Variants in SCARB2 observed in about 807,000 individuals in gnomAD.
SCARB2 encodes the protein scavenger receptor class B member 2.
In SCARB2, 29 loss-of-function variants were observed where a neutral mutation model predicts 58.6. The observed-to-expected ratio is 0.49, with a 90% CI of 0.37 to 0.67. The LOEUF (loss-of-function observed/expected upper bound fraction) is 0.67, where lower values mean the gene tolerates loss of function less well. Ranked by LOEUF, SCARB2 falls within the 30% of genes least tolerant of loss-of-function variation. The pLI, the probability that SCARB2 is intolerant of heterozygous loss-of-function variation, is 0.00. For missense variants in SCARB2, 488 were observed against 578.5 expected (o/e 0.84, Z 1.60); for synonymous variants, 195 against 210.1 (o/e 0.93, Z 0.62).
chr4:76,188,983 G>T (rs892691447), intron 2 of SCARB2, among the ~76,000 whole-genome samples: 2 of 152,120 alleles, frequency 1.3e-5, no homozygotes, highest in Non-Finnish European at 1.5e-5. Flanking sequence ...CTATGGTTCC[G>T]GCTATTAGGT....
intron 1 of SCARB2, among the ~76,000 whole-genome samples, chr4:76,202,563 T>C (rs148727974): frequency 7.3e-4 from 111 of 152,262 alleles, no homozygotes; most frequent in African/African-American, 2.4e-3. Flanking sequence ...GCCCAGCCTG[T>C]TGTTACTTTA....
intron 1 of SCARB2, among the ~76,000 whole-genome samples, chr4:76,211,491 CT>C (rs1417758997): frequency 6.6e-6 from 1 of 152,240 alleles, no homozygotes; most frequent in African/African-American, 2.4e-5. Context: ...CTATTAAGCA[CT>C]AACTATATCC....
At position 76,207,395 on chromosome 4, in the gene SCARB2, G is replaced by GGCCAA. The variant is rs1253509235; in HGVS notation, c.117+6031_117+6032insTTGGC. Among the ~76,000 whole-genome samples the GGCCAA allele has an allele frequency of 7.9e-5, 12 of 152,224 alleles. 1 individual carries two copies. Among genetic ancestry groups the GGCCAA allele is most frequent in the African/African-American group, 2.9e-4 (12 of 41,538 alleles). On this transcript the variant is annotated intron_variant, in intron 1 of 11. Coordinates refer to ENST00000264896, the MANE Select transcript of SCARB2 (RefSeq NM_005506.4). ...TATGAGGGGCCCAGGAGTTTAAATT[G>GGCCAA]GATTATAAAATCTGCAAGGGTAGAG...
intron 7 of SCARB2, among the ~76,000 whole-genome samples, chr4:76,172,381 G>A (rs1732151242): frequency 6.6e-6 from 1 of 151,770 alleles, no homozygotes; most frequent in East Asian, 1.9e-4. Flanking sequence ...TCAGCCTCCT[G>A]GGTATCTGGA....
Position 76,163,304 on chromosome 4 carries a change from T to C in SCARB2, c.1319A>G (p.Tyr440Cys). 6.2e-7 allele frequency: 1 copy of C among 1,614,188 alleles called. No homozygotes were observed. Among genetic ancestry groups the C allele is most frequent in the Non-Finnish European group, 8.5e-7 (1 of 1,180,026 alleles). The part of the protein sequence containing the change: ...NTTLIITNIP[Y>C]IIMALGVFFG... ...GAACACACCCAGCGCCATGATGATG[T>C]AGGGTATGTTGGTGATGATCAAAGT... is the stretch of plus-strand genomic sequence containing the variant. The change falls in exon 11 of 12, where the codon TAC (tyrosine) becomes TGC (cysteine). Residue 440 changes from tyrosine (Y) to cysteine (C), a missense_variant. Tyr to Cys is a radical substitution (Grantham distance 194). Transcript: ENST00000264896.
At chr4:76,171,989 CGT>C (rs776803081) in intron 7 of SCARB2, among the ~76,000 whole-genome samples, 22 of 150,158 alleles carry the variant, frequency 1.5e-4, no homozygotes, top group Non-Finnish European at 2.4e-4. Context: ...CACTTGCGCA[CGT>C]GTGTGTGTAT....
At chr4:76,177,051 C>A (rs1338679199) in intron 4 of SCARB2, 1 of 152,694 alleles carries the variant, frequency 6.5e-6, no homozygotes, top group African/African-American at 2.4e-5. Flanking sequence ...AAAATTTAAT[C>A]TTCATCTAAC....
intron 1 of SCARB2, among the ~76,000 whole-genome samples, chr4:76,229,414 C>A (rs114017776): frequency 6.6e-6 from 1 of 152,122 alleles, no homozygotes; most frequent in Non-Finnish European, 1.5e-5. Context: ...TGTTATAGAA[C>A]CTTGTTTTGT....
At chr4:76,179,758 T>A (rs1291697594) in intron 3 of SCARB2, 53 bp from the exon 4 acceptor site, 4 of 1,320,542 alleles carry the variant, frequency 3.0e-6, no homozygotes, top group Non-Finnish European at 3.3e-6. Context: ...AGCACCTCCA[T>A]CCACTCTCTC....
chr4:76,214,387 A>C, upstream of SCARB2: 2 of 438,248 alleles, frequency 4.6e-6, no homozygotes, highest in South Asian at 3.2e-5. Flanking sequence ...AAGATGTGCA[A>C]AAAAGGGAGG....
In SCARB2 at chr4:76,222,918, CA is replaced by C. The variant is rs1284021590; in HGVS notation, c.-358+11384del. 9.2e-5 allele frequency among the ~76,000 whole-genome samples: 14 copies of C among 152,208 alleles called. No homozygotes were observed. The South Asian group carries it at 2.3e-3, about 25-fold the overall frequency. On this transcript the variant is annotated intron_variant, in intron 1 of 11. Coordinates refer to the SCARB2 transcript ENST00000638295. Reference sequence around the variant, plus strand: ...TCCAAGCTGAAGCTCAGAAGAAAGGCAGGGGGGGAAGAGGCCCAGGTGAAGC... The same window carrying C: ...TCCAAGCTGAAGCTCAGAAGAAAGGCGGGGGGGAAGAGGCCCAGGTGAAGC...
At position 76,213,466 on chromosome 4, in the gene SCARB2, G is replaced by T. The variant is rs756157659; in HGVS notation, c.78C>A (p.Ala26=). Residue 26 remains alanine (A), a synonymous_variant, in exon 1 of 12, where the codon GCC becomes GCA. Coordinates refer to ENST00000264896, the MANE Select transcript of SCARB2 (RefSeq NM_005506.4). ...GGTCTACAGCCTTCTGGAAGACCCG[G>T]GCCACCAGCAGCGTGACGCTGGTCA... ...LLVTSVTLLV[A]RVFQKAVDQS... The T allele has an allele frequency of 8.1e-6, 13 of 1,610,698 alleles. No individual in the cohort carries two copies. The South Asian group carries it at 1.4e-4, about 18-fold the overall frequency.
chr4:76,192,359 G>A (rs1358283404), intron 2 of SCARB2: 1 of 152,238 alleles, frequency 6.6e-6, no homozygotes, highest in African/African-American at 2.4e-5. Context: ...TATTGGGACT[G>A]GAGCAAAGTT....
intron 1 of SCARB2, among the ~76,000 whole-genome samples, chr4:76,205,349 A>AAAAACAAAAAT (rs1553950421): frequency 5.3e-5 from 8 of 151,576 alleles, no homozygotes; most frequent in East Asian, 1.9e-4. Context: ...AAACAAAAAC[A>AAAAACAAAAAT]AAAATAAAAT....
In SCARB2 at chr4:76,179,550, G is replaced by T; in HGVS notation, c.579C>A (p.Pro193=). The T allele has an allele frequency of 6.2e-7, 1 of 1,614,094 alleles. No individual in the cohort carries two copies. Among genetic ancestry groups the T allele is most frequent in the Non-Finnish European group, 8.5e-7 (1 of 1,179,972 alleles). The part of the protein sequence containing the change: ...EILSLIHVFR[P]DISPYFGLFY... ...ATAGGCCAAAATAGGGAGAGATATCGGGCCTGAAAACATGGATAAGGGACA... is the reference window on the plus strand; with the variant it reads ...ATAGGCCAAAATAGGGAGAGATATCTGGCCTGAAAACATGGATAAGGGACA... The change falls in exon 4 of 12, where the codon CCC becomes CCA. Residue 193 remains proline (P), a synonymous_variant. Coordinates refer to ENST00000264896, the MANE Select transcript of SCARB2 (RefSeq NM_005506.4).
intron 1 of SCARB2, among the ~76,000 whole-genome samples, chr4:76,211,895 T>C (rs79146874): frequency 0.078 from 11,850 of 152,236 alleles, 759 homozygotes; most frequent in East Asian, 0.28. Context: ...CTATTACTTA[T>C]CAGAACAGAG....
At chr4:76,176,133 T>A (rs1732247175) in intron 5 of SCARB2, 1 of 624,236 alleles carries the variant, frequency 1.6e-6, no homozygotes. Flanking sequence ...AAACATGTGG[T>A]GGTTTGAAAA....
At chr4:76,217,629 G>A (rs545838272), upstream of SCARB2, 12 of 648,300 alleles carry the variant, frequency 1.9e-5, no homozygotes, top group South Asian at 7.0e-5. Context: ...TGTGCCGTGC[G>A]TCTTGTCCAG....
At chr4:76,178,204 T>G (rs749346373) in intron 4 of SCARB2, among the ~76,000 whole-genome samples, 2 of 152,236 alleles carry the variant, frequency 1.3e-5, no homozygotes, top group African/African-American at 4.8e-5. Context: ...ATACAGACAC[T>G]ACATTCCTAA....
Sources: gnomAD v4.1 joint callset for allele counts (sites outside exome capture counted in the v4.1 genomes callset) on GRCh38, gnomAD v4.1.1 for gene constraint, MANE v1.5 for transcripts, NCBI Gene and HGNC (gene_info 2026-07-23, HGNC 2026-07-21) for gene names.